The following DPY19L4 variants were observed in gnomAD, a reference collection of about 807,000 sequenced individuals.
DPY19L4 encodes the protein dpy-19 like 4.
In DPY19L4, 97 loss-of-function variants were observed where a neutral mutation model predicts 102.8. The observed-to-expected ratio is 0.94, with a 90% CI of 0.80 to 1.12. DPY19L4 has a LOEUF of 1.12. DPY19L4 is among the 50% of genes most tolerant of loss of function. The pLI, the probability that DPY19L4 is intolerant of heterozygous loss-of-function variation, is 0.00. For missense variants in DPY19L4, 815 were observed against 850.4 expected (o/e 0.96, Z 0.52); for synonymous variants, 252 against 283.1 (o/e 0.89, Z 1.10).
At chr8:94,729,151 A>G (rs1448887822) in intron 2 of DPY19L4, among the ~76,000 whole-genome samples, 3 of 152,134 alleles carry the variant, frequency 2.0e-5, no homozygotes, top group African/African-American at 7.2e-5. Context: ...CAGGTGGATC[A>G]TGAGGTCAGG....
intron 2 of DPY19L4, among the ~76,000 whole-genome samples, chr8:94,733,415 G>A (rs1226003868): frequency 2.6e-5 from 4 of 152,172 alleles, no homozygotes; most frequent in African/African-American, 7.2e-5. Flanking sequence ...GTGAGCCACC[G>A]TGCCAGGCCC....
intron 2 of DPY19L4, among the ~76,000 whole-genome samples, chr8:94,729,710 A>C (rs1170074217): frequency 6.6e-6 from 1 of 151,312 alleles, no homozygotes; most frequent in Non-Finnish European, 1.5e-5. Context: ...TCATGCCTGT[A>C]GTCCCAGCTA....
chr8:94,729,754 C>T (rs1233843088), intron 2 of DPY19L4, among the ~76,000 whole-genome samples: 4 of 148,750 alleles, frequency 2.7e-5, no homozygotes, highest in Non-Finnish European at 4.4e-5. Flanking sequence ...TTGCTTAAGC[C>T]TGAGAAGTGG....
intron 3 of DPY19L4, among the ~76,000 whole-genome samples, chr8:94,737,385 A>G (rs901294871): frequency 2.0e-5 from 3 of 151,442 alleles, no homozygotes; most frequent in East Asian, 2.0e-4. Flanking sequence ...CATGTTGGCC[A>G]GGCTGGTCTC....
chr8:94,788,068 G>C lies in DPY19L4; in HGVS notation c.2007+16G>C. On this transcript the variant is annotated intron_variant, in intron 18 of 18. Coordinates refer to ENST00000414645, the MANE Select transcript of DPY19L4 (RefSeq NM_181787.3). ...AAATGGCCACGTAAGTAACCATTTG[G>C]AAAGTTATATATATGTATATATATA... 2 of 1,372,562 alleles carry C rather than the reference G, an allele frequency of 1.5e-6. No individual in the cohort carries two copies. Among genetic ancestry groups the C allele is most frequent in the Non-Finnish European group, 1.9e-6 (2 of 1,052,810 alleles). 85.0% of individuals were successfully genotyped at this position (1,372,562 alleles called of 1,614,324 possible).
rs1813926059 is a variant in DPY19L4 at position 94,792,918 on chromosome 8, C to G, written c.*3008C>G. On this transcript the variant is annotated 3_prime_UTR_variant, in exon 19 of 19. Transcript: ENST00000414645. The stretch of plus-strand genomic sequence containing the variant: ...CTAAGTTAATTTAGCCTCCCAAATG[C>G]CAGACAAAGAATCTAACATAAAATT... The G allele has an allele frequency of 6.6e-6, 1 of 152,014 alleles. No homozygotes were observed. The highest frequency in any genetic ancestry group is 2.1e-4 in the South Asian group (1 of 4,810). The allele number at this position is 152,014 out of a possible 1,614,324, so 9.4% of individuals were successfully genotyped here.
intron 8 of DPY19L4, among the ~76,000 whole-genome samples, chr8:94,764,575 CAAA>C (rs554856939): frequency 1.9e-5 from 1 of 53,150 alleles, no homozygotes; most frequent in Non-Finnish European, 3.8e-5. Context: ...GACTCCGTCT[CAAA>C]AAAAAAAAAA....
At chr8:94,779,344 A>G (rs4735322) in intron 14 of DPY19L4, among the ~76,000 whole-genome samples, 92,955 of 149,496 alleles carry the variant, frequency 0.62, 29,559 homozygotes, top group East Asian at 0.79. Flanking sequence ...TCTTTTTGAG[A>G]CAGAGTCTTA....
At chr8:94,774,813 G>A (rs1374918910) in intron 13 of DPY19L4, among the ~76,000 whole-genome samples, 2 of 152,088 alleles carry the variant, frequency 1.3e-5, no homozygotes, top group African/African-American at 4.8e-5. Flanking sequence ...CCAACCTCAG[G>A]TGATCTGCCC....
rs1242301570 is a variant in DPY19L4 at position 94,791,247 on chromosome 8, G to C, written c.*1337G>C. 1 of 152,090 alleles carries C rather than the reference G, an allele frequency of 6.6e-6. No homozygotes were observed. The highest frequency in any genetic ancestry group is 1.5e-5 in the Non-Finnish European group (1 of 67,966). 9.4% of individuals were successfully genotyped at this position (152,090 alleles called of 1,614,324 possible). A position where few individuals can be genotyped will look rare whatever the true frequency, so the allele number is the denominator to read the frequency against. On this transcript the variant is annotated 3_prime_UTR_variant, in exon 19 of 19. Coordinates refer to ENST00000414645, the MANE Select transcript of DPY19L4 (RefSeq NM_181787.3). ...CATTTCTCCATTGTCTTTATTTTCT[G>C]TTATATATGTGTTGTAAAAGTACAC...
intron 12 of DPY19L4, among the ~76,000 whole-genome samples, chr8:94,769,733 A>G (rs901903431): frequency 1.3e-5 from 2 of 151,978 alleles, no homozygotes; most frequent in African/African-American, 2.4e-5. Flanking sequence ...CTAACCTTTG[A>G]TGTTTTTATC....
chr8:94,792,961 A>G lies in DPY19L4; in HGVS notation c.*3051A>G, dbSNP rs1813926698. 6.6e-6 allele frequency: 1 copy of G among 152,198 alleles called. No homozygotes were observed. Among genetic ancestry groups the G allele is most frequent in the Admixed American group, 6.5e-5 (1 of 15,280 alleles). The allele number at this position is 152,198 out of a possible 1,614,324, so 9.4% of individuals were successfully genotyped here. A position where few individuals can be genotyped will look rare whatever the true frequency, so the allele number is the denominator to read the frequency against. On this transcript the variant is annotated 3_prime_UTR_variant, in exon 19 of 19. Transcript: ENST00000414645. ...ATAAAATTTACCTTGAATAAGATAT[A>G]TGATATTGATTCTGAGCTGCTTTGT...
intron 6 of DPY19L4, among the ~76,000 whole-genome samples, chr8:94,747,291 G>A (rs955013720): frequency 5.3e-5 from 8 of 152,020 alleles, no homozygotes; most frequent in African/African-American, 1.9e-4. Context: ...GGGCTCAAGC[G>A]ATCTGCCTAC....
intron 2 of DPY19L4, among the ~76,000 whole-genome samples, chr8:94,732,380 T>G (rs1438762164): frequency 6.6e-6 from 1 of 152,112 alleles, no homozygotes; most frequent in African/African-American, 2.4e-5. Context: ...TCCAAATGTG[T>G]CTTATGTTAT....
At chr8:94,724,437 AACTTTT>A (rs1191247514) in intron 1 of DPY19L4, among the ~76,000 whole-genome samples, 1 of 152,232 alleles carries the variant, frequency 6.6e-6, no homozygotes, top group Non-Finnish European at 1.5e-5. Flanking sequence ...GACTGCTTCT[AACTTTT>A]ACTTTAACCT....
intron 3 of DPY19L4, among the ~76,000 whole-genome samples, chr8:94,735,573 T>C (rs1181166031): frequency 3.3e-5 from 5 of 152,200 alleles, no homozygotes; most frequent in Admixed American, 3.3e-4. Context: ...TCTCAGATTC[T>C]TAGGTAGGGG....
chr8:94,744,442 C>T (rs750539090), intron 6 of DPY19L4: 3 of 456,730 alleles, frequency 6.6e-6, no homozygotes, highest in South Asian at 1.5e-5. Flanking sequence ...GTTATAACCT[C>T]ATCTTAGAAA....
chr8:94,783,730 A>C lies in DPY19L4; in HGVS notation c.1776A>C (p.Lys592Asn). The C allele has an allele frequency of 6.2e-7, 1 of 1,614,166 alleles. No homozygotes were observed. Among genetic ancestry groups the C allele is most frequent in the Non-Finnish European group, 8.5e-7 (1 of 1,180,020 alleles). Reference sequence around the variant, plus strand: ...GTCCACAGTTAATGGGTGCGATTAAATTATGCACTGGATGGATGGTGACAA... The same window carrying C: ...GTCCACAGTTAATGGGTGCGATTAACTTATGCACTGGATGGATGGTGACAA... ...AGSPQLMGAI[K>N]LCTGWMVTSL... Residue 592 changes from lysine to asparagine, a missense_variant, in exon 17 of 19, where the codon AAA becomes AAC. Lys to Asn is a moderately conservative substitution (Grantham distance 94). Transcript: ENST00000414645.
Position 94,764,681 on chromosome 8 carries a change from C to CTGTGTGTGTGTGTG in DPY19L4, c.871-493_871-492insGTGTGTGTGTGTGT, listed in dbSNP as rs1283759337. 3.6e-3 allele frequency among the ~76,000 whole-genome samples: 248 copies of CTGTGTGTGTGTGTG among 69,660 alleles called. 5 individuals are homozygous for CTGTGTGTGTGTGTG. The highest frequency in any genetic ancestry group is 6.0e-3 in the South Asian group (12 of 2,002). The allele number at this position is 69,660 out of a possible 152,430, so 45.7% of individuals were successfully genotyped here. A position where few individuals can be genotyped will look rare whatever the true frequency, so the allele number is the denominator to read the frequency against. On this transcript the variant is annotated intron_variant, in intron 8 of 18. Transcript: ENST00000414645. ...TGTATGTATGCGTGTGTGTGTGTGT[C>CTGTGTGTGTGTGTG]TGTGTGTGTATATATATATATATAT...
Sources: gnomAD v4.1 joint callset for allele counts (sites outside exome capture counted in the v4.1 genomes callset) on GRCh38, gnomAD v4.1.1 for gene constraint, MANE v1.5 for transcripts, NCBI Gene and HGNC (gene_info 2026-07-23, HGNC 2026-07-21) for gene names.